NEK11: variants seen among roughly 807,000 people sequenced by gnomAD.
The protein encoded by NEK11 is NIMA related kinase 11, also known as serine/threonine-protein kinase Nek11.
Under a neutral mutation model 80.7 loss-of-function variants are expected in NEK11, and 72 were observed. The observed-to-expected ratio is 0.89, with a 90% CI of 0.74 to 1.08. NEK11 has a LOEUF of 1.08. NEK11 is among the 50% of genes least tolerant of loss of function. The pLI is 0.00. For missense variants in NEK11, 764 were observed against 763.6 expected (o/e 1.00, Z -0.01); for synonymous variants, 251 against 260.7 (o/e 0.96, Z 0.36).
intron 14 of NEK11, among the ~76,000 whole-genome samples, chr3:131,190,163 A>T (rs2093738748): frequency 6.6e-6 from 1 of 152,290 alleles, no homozygotes; most frequent in South Asian, 2.1e-4. Context: ...AGAAGCAAAA[A>T]TTCTTTAGCA....
chr3:131,226,248 A>G (rs1443378946), intron 14 of NEK11, among the ~76,000 whole-genome samples: 1 of 152,108 alleles, frequency 6.6e-6, no homozygotes, highest in Non-Finnish European at 1.5e-5. Flanking sequence ...AGAACTGGAG[A>G]TCTCTCAGGA....
At chr3:131,296,715 G>T (rs561411739) in intron 17 of NEK11, among the ~76,000 whole-genome samples, 2 of 151,898 alleles carry the variant, frequency 1.3e-5, no homozygotes, top group African/African-American at 2.4e-5. Flanking sequence ...CAACGTGCAG[G>T]TTAGTTACAT....
At chr3:131,300,473 A>G (rs2096648993) in intron 17 of NEK11, among the ~76,000 whole-genome samples, 1 of 152,118 alleles carries the variant, frequency 6.6e-6, no homozygotes, top group African/African-American at 2.4e-5. Flanking sequence ...GTGTAGAATG[A>G]TATTTCCTAG....
chr3:131,279,494 C>G (rs1053922154), intron 17 of NEK11, among the ~76,000 whole-genome samples: 2 of 152,078 alleles, frequency 1.3e-5, no homozygotes, highest in Non-Finnish European at 2.9e-5. Flanking sequence ...GTAAACAGTT[C>G]TATCAGTGTT....
At chr3:131,256,315 G>T (rs538169915) in intron 16 of NEK11, among the ~76,000 whole-genome samples, 117 of 152,150 alleles carry the variant, frequency 7.7e-4, no homozygotes, top group African/African-American at 2.6e-3. Flanking sequence ...ACACCACATT[G>T]TATCCCATAA....
intron 13 of NEK11, 47 bp from the exon 14 acceptor site, chr3:131,170,726 G>T: frequency 1.7e-6 from 2 of 1,180,948 alleles, no homozygotes; most frequent in Non-Finnish European, 2.5e-6. Context: ...TGGTAGTGCT[G>T]TTTCCTTCTA....
At chr3:131,311,146 A>T (rs961334164) in intron 17 of NEK11, among the ~76,000 whole-genome samples, 3 of 152,130 alleles carry the variant, frequency 2.0e-5, no homozygotes, top group African/African-American at 7.2e-5. Flanking sequence ...CATAATATTT[A>T]TACATATTTA....
At chr3:131,153,563 G>C (rs1336699149) in intron 9 of NEK11, among the ~76,000 whole-genome samples, 1 of 151,908 alleles carries the variant, frequency 6.6e-6, no homozygotes, top group Non-Finnish European at 1.5e-5. Flanking sequence ...AGTTTCCTCT[G>C]TAATTTTATG....
intron 5 of NEK11, among the ~76,000 whole-genome samples, chr3:131,118,458 G>C (rs1466984392): frequency 6.6e-6 from 1 of 152,116 alleles, no homozygotes; most frequent in Non-Finnish European, 1.5e-5. Context: ...GTGTCTGTGG[G>C]CTTTGGTATC....
chr3:131,203,579 TAA>T (rs1163338345), intron 14 of NEK11, among the ~76,000 whole-genome samples: 1 of 120,438 alleles, frequency 8.3e-6, no homozygotes, highest in African/African-American at 3.1e-5. Flanking sequence ...TAAAGTATAA[TAA>T]AAAAAAAAAA....
Position 131,310,054 on chromosome 3 carries a change from T to C in NEK11, c.1718+36480T>C, listed in dbSNP as rs910027749. 5.5e-5 allele frequency among the ~76,000 whole-genome samples: 8 copies of C among 145,608 alleles called. No homozygotes were observed. In the East Asian group the frequency reaches 1.6e-3, roughly 29 times the overall value. ...TGTAGATATGATTACATGATTTCCT[T>C]ATTGCATTTTTCTATCGAAAAAAAA... On this transcript the variant is annotated intron_variant, in intron 17 of 17. Transcript: ENST00000383366.
chr3:131,311,619 G>C (rs1200981017), intron 17 of NEK11, among the ~76,000 whole-genome samples: 1 of 152,212 alleles, frequency 6.6e-6, no homozygotes, highest in Non-Finnish European at 1.5e-5. Context: ...GTATTCTGTG[G>C]TGTTGGCTTA....
intron 3 of NEK11, among the ~76,000 whole-genome samples, chr3:131,040,041 CT>C (rs10714161): frequency 0.91 from 138,434 of 152,230 alleles, 63,478 homozygotes; most frequent in Non-Finnish European, 0.95. Context: ...AAGTAGTTTA[CT>C]TCCACTAATT....
intron 3 of NEK11, among the ~76,000 whole-genome samples, chr3:131,053,014 G>A (rs778809638): frequency 1.3e-5 from 2 of 151,850 alleles, no homozygotes; most frequent in Non-Finnish European, 2.9e-5. Flanking sequence ...CCTCTTTCCC[G>A]CCCCCCGGGA....
rs942765531 is a variant in NEK11, at chr3:131,153,301, A to G, written c.876+592A>G. 3.9e-5 allele frequency among the ~76,000 whole-genome samples: 6 copies of G among 152,344 alleles called. No homozygotes were observed. The East Asian group carries it at 1.2e-3, about 29-fold the overall frequency. On this transcript the variant is annotated intron_variant, in intron 9 of 17. Transcript: ENST00000383366. ...GTAACTATATCCCTGCAAGGACAAG[A>G]ATATGCTAACAGAGGATGCTAAAAT...
chr3:131,158,165 G>A (rs562240511), intron 10 of NEK11, among the ~76,000 whole-genome samples: 1 of 152,056 alleles, frequency 6.6e-6, no homozygotes, highest in African/African-American at 2.4e-5. Flanking sequence ...GCAGCCACGG[G>A]TGTCTTGGGG....
intron 17 of NEK11, among the ~76,000 whole-genome samples, chr3:131,294,948 C>CT (rs2096578198): frequency 6.6e-6 from 1 of 152,072 alleles, no homozygotes; most frequent in African/African-American, 2.4e-5. Context: ...CAACCAATTG[C>CT]TTTTAATTGT....
At chr3:131,300,480 C>A (rs1213434650) in intron 17 of NEK11, among the ~76,000 whole-genome samples, 3 of 152,126 alleles carry the variant, frequency 2.0e-5, no homozygotes, top group African/African-American at 7.2e-5. Flanking sequence ...ATGATATTTC[C>A]TAGATTACCT....
At chr3:131,221,405 G>A (rs565831303) in intron 14 of NEK11, among the ~76,000 whole-genome samples, 1 of 152,300 alleles carries the variant, frequency 6.6e-6, no homozygotes, top group South Asian at 2.1e-4. Flanking sequence ...TAGGTTGGAG[G>A]TATAGGCAAA....
Sources: gnomAD v4.1 joint callset for allele counts (sites outside exome capture counted in the v4.1 genomes callset) on GRCh38, gnomAD v4.1.1 for gene constraint, MANE v1.5 for transcripts, NCBI Gene and HGNC (gene_info 2026-07-23, HGNC 2026-07-21) for gene names.